Variants in AGBL1 observed in about 807,000 individuals in gnomAD.
The protein encoded by AGBL1 is cytosolic carboxypeptidase 4.
AGBL1 carries 130 observed loss-of-function variants against 118.9 expected under a neutral mutation model. The observed-to-expected ratio is 1.09, with a 90% CI of 0.95 to 1.26. AGBL1 has a LOEUF of 1.26. Ranked by LOEUF, AGBL1 falls within the 50% of genes most tolerant of loss-of-function variation. AGBL1 has a pLI of 0.00. For synonymous variants in AGBL1, 555 were observed against 478.9 expected, an observed-to-expected ratio of 1.16 and a Z score of -2.08; for missense variants, 1,584 against 1,298.1, an observed-to-expected ratio of 1.22 and a Z score of -3.38.
rs143039239 is a variant in AGBL1 at position 86,800,118 on chromosome 15, C to G, written c.3159-106969C>G. ...TAAGTAATGGCCACTTTCCCTTTAG[C>G]AAAAAACACCTGCACCACCATGAAA... On this transcript the variant is annotated intron_variant, in intron 22 of 22. Coordinates refer to ENST00000614907, the MANE Select transcript of AGBL1 (RefSeq NM_001386094.1). Among the ~76,000 whole-genome samples the G allele has an allele frequency of 1.2e-3, 179 of 152,022 alleles. 1 individual carries two copies. The highest frequency in any genetic ancestry group is 4.1e-3 in the African/African-American group (171 of 41,512).
At chr15:86,601,573 C>A (rs1013360649) in intron 21 of AGBL1, among the ~76,000 whole-genome samples, 1 of 151,912 alleles carries the variant, frequency 6.6e-6, no homozygotes, top group African/African-American at 2.4e-5. Context: ...TAAAAAGATA[C>A]GAGTAAGGTT....
chr15:86,593,067 T>C (rs1044426300), intron 21 of AGBL1, among the ~76,000 whole-genome samples: 2 of 152,198 alleles, frequency 1.3e-5, no homozygotes, highest in African/African-American at 4.8e-5. Flanking sequence ...CAGTACGGAT[T>C]CATGGATTCA....
intron 22 of AGBL1, among the ~76,000 whole-genome samples, chr15:86,679,142 A>G (rs144154700): frequency 3.4e-4 from 51 of 152,200 alleles, no homozygotes; most frequent in African/African-American, 1.2e-3. Context: ...TAACTCAGGT[A>G]ATATTAAATT....
chr15:86,795,085 A>C (rs1262975103), intron 22 of AGBL1, among the ~76,000 whole-genome samples: 1 of 152,246 alleles, frequency 6.6e-6, no homozygotes, highest in East Asian at 1.9e-4. Flanking sequence ...CAGCTGAAAA[A>C]AGTGGCTATC....
chr15:86,478,727 A>C (rs986307732), intron 18 of AGBL1, among the ~76,000 whole-genome samples: 2 of 152,200 alleles, frequency 1.3e-5, no homozygotes, highest in African/African-American at 4.8e-5. Context: ...AATTGGAAAA[A>C]ACTACTTTAA....
At chr15:86,740,583 G>A (rs939031388) in intron 22 of AGBL1, among the ~76,000 whole-genome samples, 17 of 152,212 alleles carry the variant, frequency 1.1e-4, no homozygotes, top group Non-Finnish European at 2.5e-4. Context: ...AACAGTCAGT[G>A]TGAAGTTGAG....
At chr15:86,934,699 C>G (rs1360256529) in intron 23 of AGBL1, among the ~76,000 whole-genome samples, 1 of 79,046 alleles carries the variant, frequency 1.3e-5, no homozygotes, top group African/African-American at 3.4e-5. Flanking sequence ...TACAGTACTT[C>G]AACAGTATCT....
intron 18 of AGBL1, among the ~76,000 whole-genome samples, chr15:86,406,738 C>T (rs1287568948): frequency 2.0e-5 from 3 of 152,084 alleles, no homozygotes; most frequent in Non-Finnish European, 2.9e-5. Flanking sequence ...TCTATTTTAA[C>T]TTTCATAAGA....
chr15:86,398,791 T>C (rs1477736062), intron 18 of AGBL1, among the ~76,000 whole-genome samples: 2 of 152,052 alleles, frequency 1.3e-5, no homozygotes, highest in African/African-American at 2.4e-5. Flanking sequence ...AGTATGAAGA[T>C]GATAAATTAC....
intron 5 of AGBL1, among the ~76,000 whole-genome samples, chr15:86,194,016 A>G (rs1029714177): frequency 2.0e-5 from 3 of 152,170 alleles, no homozygotes; most frequent in African/African-American, 4.8e-5. Context: ...AGAGTCATAC[A>G]TTCTCCTGTG....
rs1283805367 is a variant in AGBL1 at position 86,410,840 on chromosome 15, AT to A, written c.2555+13295del. Among the ~76,000 whole-genome samples the A allele has an allele frequency of 5.2e-4, 39 of 74,820 alleles. 1 individual carries two copies. Among genetic ancestry groups the A allele is most frequent in the Middle Eastern group, 5.3e-3 (1 of 188 alleles). The allele number at this position is 74,820 out of a possible 152,430, so 49.1% of individuals were successfully genotyped here. A position where few individuals can be genotyped will look rare whatever the true frequency, so the allele number is the denominator to read the frequency against. On this transcript the variant is annotated intron_variant, in intron 18 of 22. Coordinates refer to ENST00000614907, the MANE Select transcript of AGBL1 (RefSeq NM_001386094.1). ...TATATATATATATATATATATATAT[AT>A]AATATACTATTTTATATATAAAATA...
intron 17 of AGBL1, among the ~76,000 whole-genome samples, chr15:86,348,174 G>A (rs529713788): frequency 7.2e-5 from 11 of 152,128 alleles, no homozygotes; most frequent in Admixed American, 2.6e-4. Flanking sequence ...GGAACTTGCC[G>A]AGAAGTGGGA....
intron 5 of AGBL1, among the ~76,000 whole-genome samples, chr15:86,184,559 A>T (rs1283407612): frequency 1.3e-5 from 2 of 151,794 alleles, no homozygotes; most frequent in South Asian, 4.2e-4. Context: ...CATCCTGCAG[A>T]GTGTTTTCCA....
At chr15:86,237,049 C>T (rs1014045263) in intron 6 of AGBL1, among the ~76,000 whole-genome samples, 2 of 150,226 alleles carry the variant, frequency 1.3e-5, no homozygotes, top group Non-Finnish European at 3.0e-5. Context: ...TAATGGCCCA[C>T]ATTTGCATAT....
intron 17 of AGBL1, among the ~76,000 whole-genome samples, chr15:86,303,182 C>G (rs1054565772): frequency 5.9e-5 from 9 of 152,034 alleles, no homozygotes; most frequent in Admixed American, 4.6e-4. Flanking sequence ...TCATGGTTTC[C>G]CCACATATAA....
intron 22 of AGBL1, among the ~76,000 whole-genome samples, chr15:86,817,556 GGA>G (rs1289786556): frequency 1.0e-4 from 10 of 95,346 alleles, no homozygotes; most frequent in Admixed American, 5.9e-4. Flanking sequence ...GACACACAGA[GGA>G]GAGAGAGAAA....
At chr15:87,028,812 T>G in intron 24 of AGBL1, 2 of 1,604,264 alleles carry the variant, frequency 1.2e-6, no homozygotes, top group Non-Finnish European at 1.7e-6. Flanking sequence ...ATATATTTCT[T>G]ATTCCTTCTC....
At chr15:86,108,441 AT>A (rs1012122258) in intron 1 of AGBL1, among the ~76,000 whole-genome samples, 1 of 152,232 alleles carries the variant, frequency 6.6e-6, no homozygotes, top group African/African-American at 2.4e-5. Context: ...TTGAGGAATA[AT>A]TTAGTATGCC....
chr15:86,484,922 A>G (rs2082695367), intron 18 of AGBL1, among the ~76,000 whole-genome samples: 1 of 152,144 alleles, frequency 6.6e-6, no homozygotes, highest in African/African-American at 2.4e-5. Context: ...TACCTTTTCT[A>G]CATGCCCCAC....
Sources: allele counts gnomAD v4.1 joint callset (sites outside exome capture counted in the v4.1 genomes callset), GRCh38; gene constraint gnomAD v4.1.1; transcripts MANE v1.5; gene names NCBI Gene and HGNC (gene_info 2026-07-23, HGNC 2026-07-21).